Variants in ZNF264 observed in about 807,000 individuals in gnomAD.
The protein encoded by ZNF264 is zinc finger protein 264.
A neutral mutation model predicts 11.2 loss-of-function variants in ZNF264; 11 were observed. That is an observed-to-expected ratio of 0.98 (90% CI 0.62 to 1.63). The LOEUF is 1.63. Ranked by LOEUF, ZNF264 falls within the 40% of genes most tolerant of loss-of-function variation. ZNF264 has a pLI of 0.00. For synonymous variants in ZNF264, 309 were observed against 279.8 expected (o/e 1.10, Z -1.04); for missense variants, 752 against 768.1 (o/e 0.98, Z 0.25).
intron 1 of ZNF264, chr19:57,192,635 C>G: frequency 1.1e-6 from 1 of 932,324 alleles, no homozygotes; most frequent in South Asian, 4.9e-5. Flanking sequence ...GCATGGGAAG[C>G]TGGTCTGGAG....
At chr19:57,196,810 A>G (rs2087214993) in intron 2 of ZNF264, among the ~76,000 whole-genome samples, 1 of 151,908 alleles carries the variant, frequency 6.6e-6, no homozygotes, top group Non-Finnish European at 1.5e-5. Flanking sequence ...CTTTGTCACC[A>G]ACTTTCCAGT....
At chr19:57,197,141 G>C (rs2087217850) in intron 2 of ZNF264, among the ~76,000 whole-genome samples, 1 of 151,876 alleles carries the variant, frequency 6.6e-6, no homozygotes, top group South Asian at 2.1e-4. Flanking sequence ...GGTGCAGGCT[G>C]GGGGAGAGAA....
At position 57,192,023 on chromosome 19, in the gene ZNF264, G is replaced by A. The variant is rs1486492452; in HGVS notation, c.33+77G>A. 6.0e-6 allele frequency: 8 copies of A among 1,339,894 alleles called. No individual in the cohort carries two copies. In the African/African-American group the frequency reaches 7.6e-5, roughly 13 times the overall value. The allele number at this position is 1,339,894 out of a possible 1,614,324, so 83.0% of individuals were successfully genotyped here. On this transcript the variant is annotated intron_variant, in intron 1 of 3. Coordinates refer to ENST00000263095, the MANE Select transcript of ZNF264 (RefSeq NM_003417.5). ...GTTTCCGAAGTGGGTGGGAGCCCAG[G>A]TATCCCCTGGATTTGTCTTCGCAGT...
chr19:57,191,599 G>A lies in ZNF264; in HGVS notation c.-315G>A, dbSNP rs1055750988. On this transcript the variant is annotated 5_prime_UTR_variant, in exon 1 of 4. Coordinates refer to ENST00000263095, the MANE Select transcript of ZNF264 (RefSeq NM_003417.5). The stretch of plus-strand genomic sequence containing the variant: ...TAGTCAGGACCGAGCAGGGGAGTAG[G>A]ATAGGAATCCCCGCCGCACCTTTGT... 2.7e-5 allele frequency: 9 copies of A among 336,728 alleles called. No homozygotes were observed. The highest frequency in any genetic ancestry group is 5.4e-6 in the Non-Finnish European group (1 of 186,752). The allele number at this position is 336,728 out of a possible 1,614,324, so 20.9% of individuals were successfully genotyped here.
In ZNF264 at chr19:57,213,060, C is replaced by A; in HGVS notation, c.*79C>A. ...TTCGTTCAGTCTAGAGCCTTATTCTCCATCTGATAATTTATCCTGGAGAGA... is the reference window on the plus strand; with the variant it reads ...TTCGTTCAGTCTAGAGCCTTATTCTACATCTGATAATTTATCCTGGAGAGA... On this transcript the variant is annotated 3_prime_UTR_variant, in exon 4 of 4. Coordinates refer to ENST00000263095, the MANE Select transcript of ZNF264 (RefSeq NM_003417.5). The A allele has an allele frequency of 7.2e-7, 1 of 1,383,572 alleles. No individual in the cohort carries two copies. The highest frequency in any genetic ancestry group is 2.2e-5 in the Admixed American group (1 of 44,748). 85.7% of individuals were successfully genotyped at this position (1,383,572 alleles called of 1,614,324 possible).
intron 3 of ZNF264, among the ~76,000 whole-genome samples, chr19:57,207,300 G>A (rs1427135143): frequency 6.6e-6 from 1 of 152,144 alleles, no homozygotes; most frequent in Non-Finnish European, 1.5e-5. Context: ...GTGCTGATGT[G>A]TTAGCAGGCT....
At chr19:57,207,526 G>A (rs116611281) in intron 3 of ZNF264, among the ~76,000 whole-genome samples, 4,173 of 123,910 alleles carry the variant, frequency 0.034, 178 homozygotes, top group African/African-American at 0.11. Context: ...AAATATGCTT[G>A]TTTCTTCTTT....
chr19:57,209,058 A>T (rs938733679), intron 3 of ZNF264, among the ~76,000 whole-genome samples: 1 of 152,040 alleles, frequency 6.6e-6, no homozygotes, highest in Non-Finnish European at 1.5e-5. Context: ...TTCTTAGTAC[A>T]TTCTTATCCT....
At chr19:57,195,028 G>GTCTTCAA in intron 2 of ZNF264, 1 of 379,892 alleles carries the variant, frequency 2.6e-6, no homozygotes. Flanking sequence ...TGTTAACACA[G>GTCTTCAA]GATGGGAAGC....
At chr19:57,208,676 T>C (rs1281062372) in intron 3 of ZNF264, among the ~76,000 whole-genome samples, 1 of 152,250 alleles carries the variant, frequency 6.6e-6, no homozygotes, top group Non-Finnish European at 1.5e-5. Context: ...CATTTTCCAC[T>C]TGTGGAGGTG....
At position 57,191,702 on chromosome 19, in the gene ZNF264, C is replaced by G. The variant is rs2087173926; in HGVS notation, c.-212C>G. The G allele has an allele frequency of 2.5e-6, 1 of 405,402 alleles. No individual in the cohort carries two copies. The highest frequency in any genetic ancestry group is 9.4e-5 in the South Asian group (1 of 10,676). 25.1% of individuals were successfully genotyped at this position (405,402 alleles called of 1,614,324 possible). A position where few individuals can be genotyped will look rare whatever the true frequency, so the allele number is the denominator to read the frequency against. ...TCTCTCCTCCCCCGCCCTTCAGCCC[C>G]GCGGTCTCCAGGGGCGGCGCCCTGG... On this transcript the variant is annotated 5_prime_UTR_variant, in exon 1 of 4. Coordinates refer to ENST00000263095, the MANE Select transcript of ZNF264 (RefSeq NM_003417.5).
Position 57,212,596 on chromosome 19 carries a change from G to A in ZNF264, c.1499G>A (p.Arg500Lys), listed in dbSNP as rs749431222. 14 of 1,613,930 alleles carry A rather than the reference G, an allele frequency of 8.7e-6. No homozygotes were observed. Among genetic ancestry groups the A allele is most frequent in the Admixed American group, 6.7e-5 (4 of 59,990 alleles). The change falls in exon 4 of 4, where the codon AGG becomes AAG. Residue 500 changes from arginine to lysine, a missense_variant. By Grantham distance (26) the Arg-to-Lys change is conservative. Transcript: ENST00000263095. ...KAFTRMSGLT[R>K]HKRIHSGEKP... ...TTCACCCGCATGTCGGGCCTCACGAGGCACAAGCGGATTCATAGTGGAGAG... is the reference window on the plus strand; with the variant it reads ...TTCACCCGCATGTCGGGCCTCACGAAGCACAAGCGGATTCATAGTGGAGAG...
rs758301285 is a variant in ZNF264 at position 57,212,129 on chromosome 19, G to A, written c.1032G>A (p.Glu344=). The change falls in exon 4 of 4, where the codon GAG becomes GAA. Residue 344 remains glutamate, a synonymous_variant. Transcript: ENST00000263095. ...TCCACAGTGGTGAGAATCCCTATGA[G>A]TGCTTGGAGTGTGGCAAGGTCTTCA... ...YVVHSGENPY[E]CLECGKVFKH... 6.2e-7 allele frequency: 1 copy of A among 1,614,166 alleles called. No individual in the cohort carries two copies. The highest frequency in any genetic ancestry group is 8.5e-7 in the Non-Finnish European group (1 of 1,180,038).
At chr19:57,193,070 T>C (rs1599943601) in intron 1 of ZNF264, among the ~76,000 whole-genome samples, 3 of 152,136 alleles carry the variant, frequency 2.0e-5, no homozygotes, top group Non-Finnish European at 4.4e-5. Flanking sequence ...ATAGACTTAA[T>C]GTTAGAAATG....
Position 57,211,849 on chromosome 19 carries a change from T to C in ZNF264, c.752T>C (p.Met251Thr). The C allele has an allele frequency of 6.2e-7, 1 of 1,613,934 alleles. No individual in the cohort carries two copies. The highest frequency in any genetic ancestry group is 8.5e-7 in the Non-Finnish European group (1 of 1,179,968). Residue 251 changes from methionine to threonine, a missense_variant, in exon 4 of 4, where the codon ATG becomes ACG. Physicochemically the swap from Met to Thr is moderately conservative, Grantham distance 81. Coordinates refer to ENST00000263095, the MANE Select transcript of ZNF264 (RefSeq NM_003417.5). ...IKSTHLLQHHMIHTGERPYEC... is the reference protein window; with the variant it reads ...IKSTHLLQHHTIHTGERPYEC... The stretch of plus-strand genomic sequence containing the variant: ...AGCACACATCTCCTGCAACATCACA[T>C]GATCCACACTGGGGAGAGGCCCTAT...
At chr19:57,208,361 A>G (rs1337626298) in intron 3 of ZNF264, among the ~76,000 whole-genome samples, 1 of 151,824 alleles carries the variant, frequency 6.6e-6, no homozygotes, top group Non-Finnish European at 1.5e-5. Flanking sequence ...CCTGGGAAAC[A>G]TGGTGAGACC....
At chr19:57,205,561 G>T in intron 3 of ZNF264, 69 bp downstream of exon 3, 1 of 1,376,342 alleles carries the variant, frequency 7.3e-7, no homozygotes, top group African/African-American at 1.4e-5. Flanking sequence ...CACTGGCCCT[G>T]GAATCTCTTG....
At chr19:57,204,502 A>AG (rs946938078) in intron 2 of ZNF264, among the ~76,000 whole-genome samples, 4 of 152,164 alleles carry the variant, frequency 2.6e-5, no homozygotes, top group South Asian at 4.1e-4. Flanking sequence ...GGTTTTATAA[A>AG]GGGGGGTTCC....
intron 2 of ZNF264, among the ~76,000 whole-genome samples, chr19:57,198,862 A>G (rs1412795432): frequency 6.6e-6 from 1 of 151,840 alleles, no homozygotes; most frequent in Non-Finnish European, 1.5e-5. Flanking sequence ...GTCCTTCCTC[A>G]AGGGACCTGG....
Sources: allele counts gnomAD v4.1 joint callset (sites outside exome capture counted in the v4.1 genomes callset), GRCh38; gene constraint gnomAD v4.1.1; transcripts MANE v1.5; gene names NCBI Gene and HGNC (gene_info 2026-07-23, HGNC 2026-07-21).